SAMD4A: variants seen among roughly 807,000 people sequenced by gnomAD.
SAMD4A encodes the protein sterile alpha motif domain containing 4A.
SAMD4A carries 33 observed loss-of-function variants against 81.3 expected under a neutral mutation model. That is an observed-to-expected ratio of 0.41 (90% CI 0.31 to 0.54). SAMD4A has a LOEUF of 0.54. Among genes scored for constraint, SAMD4A ranks in the 20% least tolerant of loss-of-function variants. The probability of loss-of-function intolerance (pLI) is 0.37; values close to 1 mark genes in which losing one functional copy is unlikely to be tolerated. For synonymous variants in SAMD4A, 389 were observed against 382.1 expected (o/e 1.02, Z -0.21); for missense variants, 854 against 951.1 (o/e 0.90, Z 1.34).
intron 2 of SAMD4A, among the ~76,000 whole-genome samples, chr14:54,577,642 C>T (rs1385916578): frequency 6.6e-6 from 1 of 152,200 alleles, no homozygotes; most frequent in Non-Finnish European, 1.5e-5. Flanking sequence ...CCCAAAGCCA[C>T]TAAACTCTGT....
intron 2 of SAMD4A, among the ~76,000 whole-genome samples, chr14:54,686,643 A>G (rs1000054803): frequency 1.3e-5 from 2 of 151,754 alleles, no homozygotes; most frequent in Non-Finnish European, 2.9e-5. Flanking sequence ...TATGAATGTG[A>G]AAAAAAGAAA....
At chr14:54,760,562 G>GGCTTCCCCTGGGT (rs1262519757) in intron 7 of SAMD4A, 68 bp downstream of exon 7, 1 of 1,360,596 alleles carries the variant, frequency 7.3e-7, no homozygotes, top group East Asian at 3.0e-5. Context: ...GGCTCCTGGG[G>GGCTTCCCCTGGGT]GCTTCCCCTG....
At chr14:54,692,878 C>CCCCA (rs2036478927) in intron 2 of SAMD4A, 1 of 141,876 alleles carries the variant, frequency 7.0e-6, no homozygotes, top group East Asian at 2.0e-4. Flanking sequence ...CACTTAGTGC[C>CCCCA]CCCCCCCGCA....
At chr14:54,672,099 A>AT (rs147736345) in intron 2 of SAMD4A, among the ~76,000 whole-genome samples, 3,945 of 78,934 alleles carry the variant, frequency 0.05, 107 homozygotes, top group East Asian at 0.13. Context: ...ATTTAAATTT[A>AT]TTTTTTTTTG....
chr14:54,774,135 G>A (rs1052586098), intron 9 of SAMD4A, among the ~76,000 whole-genome samples: 6 of 152,360 alleles, frequency 3.9e-5, no homozygotes, highest in Middle Eastern at 3.4e-3. Context: ...GTAGGGAGGC[G>A]CAAGGCGGCA....
chr14:54,618,031 C>T (rs2034530750), intron 2 of SAMD4A, among the ~76,000 whole-genome samples: 1 of 152,086 alleles, frequency 6.6e-6, no homozygotes, highest in Admixed American at 6.6e-5. Context: ...CATGTTTTTT[C>T]CCGAAGGAGT....
At position 54,737,542 on chromosome 14, in the gene SAMD4A, C is replaced by CTT. The variant is rs758410575; in HGVS notation, c.979+273_979+274dup. Reference sequence around the variant, plus strand: ...AGGTCAACCCACTCTCTCTCTCTCTCTTTTTTTTTTTTTTTTTTTGCATTG... The same window carrying CTT: ...AGGTCAACCCACTCTCTCTCTCTCTCTTTTTTTTTTTTTTTTTTTTTGCATTG... On this transcript the variant is annotated intron_variant, in intron 4 of 12. Transcript: ENST00000554335. Among the ~76,000 whole-genome samples the CTT allele has an allele frequency of 5.5e-4, 47 of 85,404 alleles. 1 individual carries two copies. The highest frequency in any genetic ancestry group is 1.5e-3 in the African/African-American group (31 of 21,140). The allele number at this position is 85,404 out of a possible 152,430, so 56.0% of individuals were successfully genotyped here.
intron 2 of SAMD4A, among the ~76,000 whole-genome samples, chr14:54,637,975 G>A (rs1008173261): frequency 6.6e-6 from 1 of 152,162 alleles, no homozygotes; most frequent in Non-Finnish European, 1.5e-5. Context: ...ATATCAGGAA[G>A]GTCTCCAGCA....
intron 2 of SAMD4A, among the ~76,000 whole-genome samples, chr14:54,641,997 C>T (rs1395479625): frequency 6.6e-6 from 1 of 152,100 alleles, no homozygotes; most frequent in Non-Finnish European, 1.5e-5. Context: ...AGGGTTTCAC[C>T]ATGTTGGCCA....
At chr14:54,726,775 T>C (rs955604749) in intron 3 of SAMD4A, among the ~76,000 whole-genome samples, 9 of 152,048 alleles carry the variant, frequency 5.9e-5, no homozygotes, top group South Asian at 2.1e-4. Context: ...GTTTTTTTTT[T>C]AAAAGGCTCA....
chr14:54,712,564 C>T (rs893286571), intron 3 of SAMD4A, among the ~76,000 whole-genome samples: 1 of 152,170 alleles, frequency 6.6e-6, no homozygotes, highest in African/African-American at 2.4e-5. Context: ...CCGGCTGATC[C>T]TTCTCCTGTT....
chr14:54,721,186 C>A (rs1348540031), intron 3 of SAMD4A, among the ~76,000 whole-genome samples: 2 of 152,098 alleles, frequency 1.3e-5, no homozygotes. Context: ...AGGTCAGGAA[C>A]CTGGTCTTGT....
chr14:54,621,544 T>C (rs2034617308), intron 2 of SAMD4A, among the ~76,000 whole-genome samples: 1 of 151,440 alleles, frequency 6.6e-6, no homozygotes, highest in South Asian at 2.1e-4. Context: ...GTATTTTTAG[T>C]AGAGACAGGG....
At chr14:54,724,085 C>T (rs868706158) in intron 3 of SAMD4A, among the ~76,000 whole-genome samples, 8 of 148,036 alleles carry the variant, frequency 5.4e-5, no homozygotes, top group African/African-American at 2.0e-4. Context: ...AGGACCCCCA[C>T]AGCAACCCCG....
chr14:54,716,629 G>A (rs1268178769), intron 3 of SAMD4A, among the ~76,000 whole-genome samples: 1 of 152,000 alleles, frequency 6.6e-6, no homozygotes, highest in Non-Finnish European at 1.5e-5. Flanking sequence ...CTTAAATGGG[G>A]GTAAGGTCCT....
chr14:54,753,990 G>A (rs1304975332), intron 6 of SAMD4A, among the ~76,000 whole-genome samples: 1 of 152,302 alleles, frequency 6.6e-6, no homozygotes, highest in East Asian at 1.9e-4. Context: ...TTTGCATAAG[G>A]ATTTCATTGC....
At chr14:54,694,303 G>A (rs886190588) in intron 2 of SAMD4A, 3 of 152,650 alleles carry the variant, frequency 2.0e-5, no homozygotes, top group African/African-American at 7.2e-5. Context: ...ATGGTGAGGG[G>A]TAGTCACATT....
intron 7 of SAMD4A, among the ~76,000 whole-genome samples, chr14:54,762,620 C>G (rs2139871050): frequency 6.6e-6 from 1 of 152,278 alleles, no homozygotes; most frequent in South Asian, 2.1e-4. Context: ...CGCCCTACTT[C>G]CTGAGAGACC....
chr14:54,600,785 G>A (rs898541889), intron 2 of SAMD4A, among the ~76,000 whole-genome samples: 2 of 152,192 alleles, frequency 1.3e-5, no homozygotes, highest in Non-Finnish European at 2.9e-5. Context: ...ACATTGAAAT[G>A]TTCACCAACA....
Sources: gnomAD v4.1 joint callset for allele counts (sites outside exome capture counted in the v4.1 genomes callset) on GRCh38, gnomAD v4.1.1 for gene constraint, MANE v1.5 for transcripts, NCBI Gene and HGNC (gene_info 2026-07-23, HGNC 2026-07-21) for gene names.